The following CRTC2 variants were observed in gnomAD, a reference collection of about 807,000 sequenced individuals.
CRTC2 encodes the protein CREB regulated transcription coactivator 2, also known as CREB-regulated transcription coactivator 2.
A neutral mutation model predicts 70.9 loss-of-function variants in CRTC2; 25 were observed. The ratio of observed to expected loss-of-function variants is 0.35; its 90% CI spans 0.26 to 0.49. CRTC2 has a LOEUF of 0.49. Ranked by LOEUF, CRTC2 falls within the 20% of genes least tolerant of loss-of-function variation. CRTC2 has a pLI of 0.98. For synonymous variants in CRTC2, 330 were observed against 364.1 expected (o/e 0.91, Z 1.07); for missense variants, 737 against 882.6 (o/e 0.83, Z 2.09).
At position 153,958,554 on chromosome 1, in the gene CRTC2, G is replaced by A. The variant is rs1221693640; in HGVS notation, c.-57C>T. ...CAGTACCAGCCGCGGCCTCCGCCGC[G>A]GCCTCGGCCCGGCTCCTCCAGCCGT... On this transcript the variant is annotated 5_prime_UTR_variant, in exon 1 of 14. Coordinates refer to ENST00000368633, the MANE Select transcript of CRTC2 (RefSeq NM_181715.3). The A allele has an allele frequency of 3.3e-6, 5 of 1,495,580 alleles. No individual in the cohort carries two copies. The Admixed American group carries it at 8.7e-5, about 26-fold the overall frequency. The allele number at this position is 1,495,580 out of a possible 1,614,324, so 92.6% of individuals were successfully genotyped here. A position where few individuals can be genotyped will look rare whatever the true frequency, so the allele number is the denominator to read the frequency against.
intron 1 of CRTC2, among the ~76,000 whole-genome samples, chr1:153,957,525 C>CA (rs1447483693): frequency 6.6e-6 from 1 of 152,134 alleles, no homozygotes; most frequent in Admixed American, 6.5e-5. Context: ...GCTTCAGAGG[C>CA]AGCCTGGCAG....
chr1:153,951,316 G>C lies in CRTC2; in HGVS notation c.1348C>G (p.Gln450Glu). Residue 450 changes from glutamine to glutamate, a missense_variant, in exon 11 of 14, where the codon CAG becomes GAG. Physicochemically the swap from Gln to Glu is conservative, Grantham distance 29. This residue lies in a region of CRTC2 where 699 missense variants were observed against 823.7 expected (regional missense o/e 0.85). Coordinates refer to ENST00000368633, the MANE Select transcript of CRTC2 (RefSeq NM_181715.3). ...GPADARRSQQ[Q>E]LPKQFSPTMS... is the part of the protein sequence containing the mutation. ...GTTGGCGAAAACTGTTTGGGCAGCTGCTGTTGGGACCTTCTGGCGTCGGCT... is the reference window on the plus strand; with the variant it reads ...GTTGGCGAAAACTGTTTGGGCAGCTCCTGTTGGGACCTTCTGGCGTCGGCT... The C allele has an allele frequency of 6.2e-7, 1 of 1,614,070 alleles. No homozygotes were observed. The highest frequency in any genetic ancestry group is 1.7e-5 in the Admixed American group (1 of 59,998).
chr1:153,957,825 A>AGGAGGGGACT (rs1403980803), intron 1 of CRTC2, among the ~76,000 whole-genome samples: 1 of 152,164 alleles, frequency 6.6e-6, no homozygotes, highest in African/African-American at 2.4e-5. Flanking sequence ...GACGGGACGC[A>AGGAGGGGACT]GGAGGGGACT....
chr1:153,958,297 C>T (rs1489152160), intron 1 of CRTC2, 48 bp downstream of exon 1: 2 of 1,589,270 alleles, frequency 1.3e-6, no homozygotes, highest in Non-Finnish European at 1.7e-6. Flanking sequence ...CCGGTCTCCG[C>T]TCCGTAACTG....
At chr1:153,955,274 T>G (rs1680562810) in intron 1 of CRTC2, 108 bp from the exon 2 acceptor site, 1 of 838,518 alleles carries the variant, frequency 1.2e-6, no homozygotes, top group East Asian at 2.7e-5. Flanking sequence ...GCCACTGCTT[T>G]TAAAATATCT....
At chr1:153,955,881 C>G (rs1392155526) in intron 1 of CRTC2, among the ~76,000 whole-genome samples, 1 of 152,074 alleles carries the variant, frequency 6.6e-6, no homozygotes, top group Non-Finnish European at 1.5e-5. Context: ...GGGCCTGTCT[C>G]ATTTGGCATC....
At chr1:153,950,830 CAG>C (rs751268350) in intron 11 of CRTC2, among the ~76,000 whole-genome samples, 4 of 152,118 alleles carry the variant, frequency 2.6e-5, no homozygotes, top group Non-Finnish European at 4.4e-5. Context: ...AGATAAAAGA[CAG>C]ATATAAAACA....
chr1:153,957,925 G>A, intron 1 of CRTC2: 2 of 648,258 alleles, frequency 3.1e-6, no homozygotes, highest in Non-Finnish European at 4.0e-6. Context: ...AGAGGGACCA[G>A]TTTGGAGGAG....
intron 1 of CRTC2, chr1:153,958,070 C>G (rs1680730109): frequency 1.5e-6 from 2 of 1,347,502 alleles, no homozygotes; most frequent in Non-Finnish European, 1.9e-6. Flanking sequence ...CCTCCTACCT[C>G]CGCCGGACTT....
At chr1:153,954,158 T>G in intron 4 of CRTC2, 97 bp downstream of exon 4, 1 of 892,148 alleles carries the variant, frequency 1.1e-6, no homozygotes. Context: ...TGTTGAAACC[T>G]TAGCCCAGTA....
intron 3 of CRTC2, 27 bp downstream of exon 3, chr1:153,954,846 C>T (rs772396160): frequency 1.1e-5 from 17 of 1,594,678 alleles, no homozygotes; most frequent in Middle Eastern, 2.2e-4. Context: ...ACCTTTCAGA[C>T]ACTCCCAAGT....
In CRTC2 at chr1:153,955,091, T is replaced by C. The variant is rs763626919; in HGVS notation, c.229A>G (p.Ile77Val). The change falls in exon 2 of 14, where the codon ATT becomes GTT. Residue 77 changes from isoleucine (I) to valine (V), a missense_variant. Ile to Val is a conservative substitution (Grantham distance 29). Around this residue, in one of 3 missense-constraint regions of CRTC2, gnomAD observed 699 missense variants for 823.7 expected, o/e 0.85. Coordinates refer to ENST00000368633, the MANE Select transcript of CRTC2 (RefSeq NM_181715.3). ...YGGSLPNVNQ[I>V]GSGLAEFQSP... ...TGGAACTCGGCCAGGCCAGAGCCAATCTGGTTAACATTGGGCAGAGACCCA... is the reference window on the plus strand; with the variant it reads ...TGGAACTCGGCCAGGCCAGAGCCAACCTGGTTAACATTGGGCAGAGACCCA... The C allele has an allele frequency of 6.2e-7, 1 of 1,614,062 alleles. No homozygotes were observed. Among genetic ancestry groups the C allele is most frequent in the South Asian group, 1.1e-5 (1 of 91,086 alleles).
chr1:153,951,838 A>T, intron 10 of CRTC2, 172 bp from the exon 11 acceptor site: 1 of 1,076,574 alleles, frequency 9.3e-7, no homozygotes, highest in Non-Finnish European at 1.3e-6. Context: ...TCTTCTTTCT[A>T]GGAAACACCA....
At position 153,949,372 on chromosome 1, in the gene CRTC2, C is replaced by G; in HGVS notation, c.1417G>C (p.Asp473His). ...LSSITQGVPLDTSKLSTDQRL... is the reference protein window; with the variant it reads ...LSSITQGVPLHTSKLSTDQRL... The stretch of plus-strand genomic sequence containing the variant: ...TGGTCAGTGGACAGTTTACTGGTAT[C>G]CAGGGGGACGCCCTGAAAAGAAGTA... The change falls in exon 12 of 14, where the codon GAT (aspartate) becomes CAT (histidine). Residue 473 changes from aspartate (D) to histidine (H), a missense_variant. Asp to His is a moderately conservative substitution (Grantham distance 81, BLOSUM62 -1). This residue lies in a region of CRTC2 where 699 missense variants were observed against 823.7 expected (regional missense o/e 0.85). Coordinates refer to ENST00000368633, the MANE Select transcript of CRTC2 (RefSeq NM_181715.3). 1 of 1,609,054 alleles carries G rather than the reference C, an allele frequency of 6.2e-7. No individual in the cohort carries two copies. Among genetic ancestry groups the G allele is most frequent in the South Asian group, 1.1e-5 (1 of 90,710 alleles).
chr1:153,955,620 G>A (rs868062800), intron 1 of CRTC2, among the ~76,000 whole-genome samples: 28 of 143,562 alleles, frequency 2.0e-4, no homozygotes, highest in African/African-American at 7.2e-4. Context: ...AGAGGCTGCA[G>A]TGAGACATGT....
chr1:153,952,164 G>A lies in CRTC2; in HGVS notation c.851C>T (p.Pro284Leu), dbSNP rs1290739791. The change falls in exon 10 of 14, where the codon CCC (proline) becomes CTC (leucine). Residue 284 changes from proline to leucine, a missense_variant. Physicochemically the swap from Pro to Leu is moderately conservative, Grantham distance 98. Coordinates refer to ENST00000368633, the MANE Select transcript of CRTC2 (RefSeq NM_181715.3). ...GTCCAGGGGGGTGGGCAGTGGTGGGGGAAAGTGCAGGTTGGTGAGGTCAGG... is the reference window on the plus strand; with the variant it reads ...GTCCAGGGGGGTGGGCAGTGGTGGGAGAAAGTGCAGGTTGGTGAGGTCAGG... ...SLPDLTNLHF[P>L]PPLPTPLDPE... is the part of the protein sequence containing the mutation. 1.2e-6 allele frequency: 2 copies of A among 1,613,980 alleles called. No individual in the cohort carries two copies. The highest frequency in any genetic ancestry group is 1.1e-5 in the South Asian group (1 of 91,086).
At chr1:153,949,928 A>G (rs1680233665) in intron 11 of CRTC2, among the ~76,000 whole-genome samples, 1 of 152,178 alleles carries the variant, frequency 6.6e-6, no homozygotes, top group South Asian at 2.1e-4. Flanking sequence ...CTACTCCAGA[A>G]GTAAACTATT....
In CRTC2 at chr1:153,948,068, T is replaced by G. The variant is rs1571068168; in HGVS notation, c.*41A>C. The G allele has an allele frequency of 6.3e-7, 1 of 1,584,274 alleles. No individual in the cohort carries two copies. The highest frequency in any genetic ancestry group is 8.7e-7 in the Non-Finnish European group (1 of 1,154,648). ...GGGGAAGGGAGGAAAGGAATGGTGG[T>G]GGGGGATGGGGCCAAGAAGAGGGAT... On this transcript the variant is annotated 3_prime_UTR_variant, in exon 14 of 14. Transcript: ENST00000368633.
At chr1:153,953,232 T>C (rs888360470) in intron 6 of CRTC2, 34 bp downstream of exon 6, 10 of 1,081,236 alleles carry the variant, frequency 9.2e-6, no homozygotes, top group Non-Finnish European at 1.4e-5. Context: ...AATAGCTCCA[T>C]GGTTACTCCC....
Sources: allele counts gnomAD v4.1 joint callset (sites outside exome capture counted in the v4.1 genomes callset), GRCh38; gene constraint gnomAD v4.1.1; regional missense constraint gnomAD v4.1.1; transcripts MANE v1.5; gene names NCBI Gene and HGNC (gene_info 2026-07-23, HGNC 2026-07-21).